The following NDE1 variants were observed in gnomAD, a reference collection of about 807,000 sequenced individuals.
NDE1 encodes the protein nudE neurodevelopment protein 1, also known as nuclear distribution protein nudE homolog 1.
A neutral mutation model predicts 43.4 loss-of-function variants in NDE1; 28 were observed. That is an observed-to-expected ratio of 0.65 (90% CI 0.48 to 0.89). The LOEUF (loss-of-function observed/expected upper bound fraction) is 0.89. Ranked by LOEUF, NDE1 falls within the 40% of genes least tolerant of loss-of-function variation. The probability of loss-of-function intolerance (pLI) is 0.00; values close to 1 mark genes in which losing one functional copy is unlikely to be tolerated. For synonymous variants in NDE1, 184 were observed against 172.0 expected, an observed-to-expected ratio of 1.07 and a Z score of -0.55; for missense variants, 441 against 434.1, an observed-to-expected ratio of 1.02 and a Z score of -0.14.
rs76459240 is a variant in NDE1 at position 15,717,397 on chromosome 16, G to C, written c.948-6794G>C. ...GAGGCGGACTCAGGGAAGCCCAAGA[G>C]AGCGCACTGAGACCATGCCTCTTCC... On this transcript the variant is annotated intron_variant, in intron 8 of 8. Coordinates refer to ENST00000396354, the MANE Select transcript of NDE1 (RefSeq NM_017668.3). The C allele has an allele frequency of 0.032, 50,252 of 1,586,820 alleles. 1,169 individuals carry two copies. The highest frequency in any genetic ancestry group is 0.086 in the South Asian group (7,803 of 90,716).
chr16:15,716,537 T>G (rs2040157467), intron 8 of NDE1, among the ~76,000 whole-genome samples: 1 of 151,812 alleles, frequency 6.6e-6, no homozygotes, highest in African/African-American at 2.4e-5. Context: ...TGTGTGTATG[T>G]GTGTGGAAGG....
intron 1 of NDE1, among the ~76,000 whole-genome samples, 177 bp downstream of exon 1, chr16:15,650,471 C>T (rs796669664): frequency 5.9e-5 from 9 of 152,388 alleles, no homozygotes; most frequent in African/African-American, 2.2e-4. Flanking sequence ...CCCCCGGTCC[C>T]TGGGCTCCAA....
rs1241315328 is a variant in NDE1 at position 15,717,365 on chromosome 16, A to G, written c.948-6826A>G. ...CTGCTCGGCCTGGGGAGGAGAGTGA[A>G]GGCCATGAGGCGGACTCAGGGAAGC... On this transcript the variant is annotated intron_variant, in intron 8 of 8. Coordinates refer to ENST00000396354, the MANE Select transcript of NDE1 (RefSeq NM_017668.3). The G allele has an allele frequency of 6.2e-7, 1 of 1,602,884 alleles. No individual in the cohort carries two copies. The highest frequency in any genetic ancestry group is 1.7e-5 in the Admixed American group (1 of 60,014).
chr16:15,722,291 C>G (rs922610010), intron 8 of NDE1, among the ~76,000 whole-genome samples: 2 of 152,168 alleles, frequency 1.3e-5, no homozygotes, highest in African/African-American at 4.8e-5. Context: ...TAATATCTTA[C>G]AAAAGTATCC....
chr16:15,648,623 A>C (rs951330126), upstream of NDE1, among the ~76,000 whole-genome samples: 1 of 151,732 alleles, frequency 6.6e-6, no homozygotes, highest in Non-Finnish European at 1.5e-5. Flanking sequence ...CCTGGCCAAC[A>C]CAGTGAAACC....
At position 15,667,459 on chromosome 16, in the gene NDE1, T is replaced by C; in HGVS notation, c.237+20T>C. Reference sequence around the variant, plus strand: ...ATCAAGGTGAGGGGCTGAGAGGAAGTGTGCTCAGGTGTAGACAGGCGTCCA... The same window carrying C: ...ATCAAGGTGAGGGGCTGAGAGGAAGCGTGCTCAGGTGTAGACAGGCGTCCA... On this transcript the variant is annotated intron_variant, in intron 3 of 8. Coordinates refer to ENST00000396354, the MANE Select transcript of NDE1 (RefSeq NM_017668.3). 6.2e-7 allele frequency: 1 copy of C among 1,612,950 alleles called. No homozygotes were observed. Among genetic ancestry groups the C allele is most frequent in the Non-Finnish European group, 8.5e-7 (1 of 1,179,684 alleles).
At chr16:15,692,782 G>A (rs1050847671) in intron 6 of NDE1, among the ~76,000 whole-genome samples, 3 of 152,024 alleles carry the variant, frequency 2.0e-5, no homozygotes, top group Middle Eastern at 3.2e-3. Flanking sequence ...TGTGGCCCAG[G>A]CTGGAGTGCA....
intron 4 of NDE1, chr16:15,687,108 C>T: frequency 7.5e-7 from 1 of 1,332,196 alleles, no homozygotes; most frequent in South Asian, 1.5e-5. Context: ...AGGGCTTTGG[C>T]TTATTGCTGA....
chr16:15,698,728 G>A (rs181853346), intron 8 of NDE1, among the ~76,000 whole-genome samples: 6 of 152,006 alleles, frequency 3.9e-5, no homozygotes, highest in South Asian at 2.1e-4. Context: ...GGGCATGGTC[G>A]CGGATGCCTG....
At chr16:15,684,861 A>G (rs1005980959) in intron 4 of NDE1, among the ~76,000 whole-genome samples, 3 of 152,222 alleles carry the variant, frequency 2.0e-5, no homozygotes, top group Non-Finnish European at 4.4e-5. Flanking sequence ...TCTTACAACC[A>G]GTAGCATACT....
upstream of NDE1, chr16:15,649,281 TTA>T (rs2036396120): frequency 1.3e-5 from 2 of 152,364 alleles, no homozygotes; most frequent in Admixed American, 1.3e-4. Context: ...CTAAACGTTT[TTA>T]CAAATGCTGT....
At chr16:15,718,248 C>G in intron 8 of NDE1, 1 of 1,602,142 alleles carries the variant, frequency 6.2e-7, no homozygotes, top group Non-Finnish European at 8.5e-7. Flanking sequence ...CGTGTGTTGA[C>G]TGGTGCAGGA....
intron 8 of NDE1, among the ~76,000 whole-genome samples, chr16:15,710,805 G>C (rs923344276): frequency 6.6e-6 from 1 of 152,022 alleles, no homozygotes; most frequent in Non-Finnish European, 1.5e-5. Flanking sequence ...AGCCTCACGA[G>C]TAGCTGGGAT....
At position 15,695,467 on chromosome 16, in the gene NDE1, C is replaced by T. The variant is rs1428219693; in HGVS notation, c.795+1211C>T. The T allele has an allele frequency of 3.1e-5, 30 of 971,386 alleles. No individual in the cohort carries two copies. In the East Asian group the frequency reaches 7.1e-4, roughly 23 times the overall value. 60.2% of individuals were successfully genotyped at this position (971,386 alleles called of 1,614,324 possible). A position where few individuals can be genotyped will look rare whatever the true frequency, so the allele number is the denominator to read the frequency against. ...AGGTTGCAGTGAGCTGAGATCGCAC[C>T]GCTGGGTGACAAAGTGAGACTTGGT... On this transcript the variant is annotated intron_variant, in intron 7 of 8. Transcript: ENST00000396354.
chr16:15,664,623 G>A lies in NDE1; in HGVS notation c.-43-113G>A, dbSNP rs1596559694. 16 of 673,664 alleles carry A rather than the reference G, an allele frequency of 2.4e-5. No homozygotes were observed. The East Asian group carries it at 4.1e-4, about 17-fold the overall frequency. The allele number at this position is 673,664 out of a possible 1,614,324, so 41.7% of individuals were successfully genotyped here. The stretch of plus-strand genomic sequence containing the variant: ...GCCCGCCTCAGCCTCCCAAAGTGCT[G>A]GGATTATAGGCGTGAGCCACCGCGC... On this transcript the variant is annotated intron_variant, in intron 1 of 8. Transcript: ENST00000396354.
intron 8 of NDE1, chr16:15,714,587 G>T (rs1258493129): frequency 4.0e-6 from 2 of 496,354 alleles, no homozygotes; most frequent in Non-Finnish European, 7.3e-6. Context: ...ATGTCGTGAA[G>T]ACTCAGTGAT....
chr16:15,654,322 G>A (rs888623735), intron 1 of NDE1, among the ~76,000 whole-genome samples: 6 of 151,980 alleles, frequency 3.9e-5, no homozygotes, highest in East Asian at 1.9e-4. Flanking sequence ...TGTGAGGGCC[G>A]GGTGCAATGG....
rs376154041 is a variant in NDE1 at position 15,718,434 on chromosome 16, C to T, written c.948-5757C>T. The T allele has an allele frequency of 2.4e-5, 38 of 1,565,020 alleles. No homozygotes were observed. Among genetic ancestry groups the T allele is most frequent in the Middle Eastern group, 1.9e-4 (1 of 5,346 alleles). Reference sequence around the variant, plus strand: ...AGGCGGCGCTTCTCGTCCTGGAGTGCGTTCCTGGGGGAAGGGCGGCCATGG... The same window carrying T: ...AGGCGGCGCTTCTCGTCCTGGAGTGTGTTCCTGGGGGAAGGGCGGCCATGG... On this transcript the variant is annotated intron_variant, in intron 8 of 8. Transcript: ENST00000396354.
Position 15,667,407 on chromosome 16 carries a change from A to T in NDE1, c.205A>T (p.Asn69Tyr). 1 of 1,613,904 alleles carries T rather than the reference A, an allele frequency of 6.2e-7. No individual in the cohort carries two copies. Among genetic ancestry groups the T allele is most frequent in the Non-Finnish European group, 8.5e-7 (1 of 1,179,880 alleles). The change falls in exon 3 of 9, where the codon AAC becomes TAC. Residue 69 changes from asparagine (N) to tyrosine (Y), a missense_variant. Physicochemically the swap from Asn to Tyr is moderately radical, Grantham distance 143. Coordinates refer to ENST00000396354, the MANE Select transcript of NDE1 (RefSeq NM_017668.3). ...GAACAGAGACCTCCTGTCCGAAAAT[A>T]ACCGCCTTCGCATGGAGCTGGAAAC... The part of the protein sequence containing the change: ...TRNRDLLSEN[N>Y]RLRMELETIK...
Sources: gnomAD v4.1 joint callset for allele counts (sites outside exome capture counted in the v4.1 genomes callset) on GRCh38, gnomAD v4.1.1 for gene constraint, MANE v1.5 for transcripts, NCBI Gene and HGNC (gene_info 2026-07-23, HGNC 2026-07-21) for gene names.